The following SPATA13 variants were observed in gnomAD, a reference collection of about 807,000 sequenced individuals.
SPATA13 encodes spermatogenesis associated 13.
In SPATA13, 50 loss-of-function variants were observed where a neutral mutation model predicts 104.0. The ratio of observed to expected loss-of-function variants is 0.48; its 90% CI spans 0.38 to 0.61. SPATA13 has a LOEUF of 0.61. Among genes scored for constraint, SPATA13 ranks in the 20% least tolerant of loss-of-function variants. SPATA13 has a pLI of 0.00. For missense variants in SPATA13, 1,524 were observed against 1,690.6 expected (o/e 0.90, Z 1.73); for synonymous variants, 606 against 667.5 (o/e 0.91, Z 1.42).
At chr13:24,037,988 T>A (rs1877768163) in intron 3 of SPATA13, among the ~76,000 whole-genome samples, 1 of 152,076 alleles carries the variant, frequency 6.6e-6, no homozygotes, top group Non-Finnish European at 1.5e-5. Context: ...CTTGGCTCAC[T>A]GCAAGCTCTA....
At chr13:24,288,550 GGTGGA>G (rs1440031479) in intron 7 of SPATA13, among the ~76,000 whole-genome samples, 2 of 151,696 alleles carry the variant, frequency 1.3e-5, no homozygotes, top group Non-Finnish European at 2.9e-5. Context: ...AGGCGGTGCT[GGTGGA>G]ATCCTTGGGT....
chr13:24,078,253 T>C (rs546873159), intron 3 of SPATA13, among the ~76,000 whole-genome samples: 61 of 152,256 alleles, frequency 4.0e-4, no homozygotes, highest in African/African-American at 1.4e-3. Context: ...AGGCAAAACT[T>C]TGGAGCCAGA....
intron 1 of SPATA13, among the ~76,000 whole-genome samples, chr13:24,168,634 G>C (rs1217560603): frequency 6.6e-6 from 1 of 152,080 alleles, no homozygotes; most frequent in Non-Finnish European, 1.5e-5. Flanking sequence ...TGTCACTCGC[G>C]TTACCCACGG....
At chr13:24,132,284 T>A (rs1023187351) in intron 3 of SPATA13, among the ~76,000 whole-genome samples, 1 of 152,222 alleles carries the variant, frequency 6.6e-6, no homozygotes, top group Non-Finnish European at 1.5e-5. Context: ...CAAAAAATCT[T>A]CTGTTATAGG....
Position 24,138,315 on chromosome 13 carries a change from A to C in SPATA13, c.-111-84504A>C, listed in dbSNP as rs7991169. ...AGCAAGACTCCGTCTGAAAAAAAAAAAAAAAACAGTTTTACTGAATTAGTA... is the reference window on the plus strand; with the variant it reads ...AGCAAGACTCCGTCTGAAAAAAAAACAAAAAACAGTTTTACTGAATTAGTA... On this transcript the variant is annotated intron_variant, in intron 3 of 14. Transcript: ENST00000424834. Among the ~76,000 whole-genome samples, 602 of 82,388 alleles carry C rather than the reference A, an allele frequency of 7.3e-3. 7 individuals carry two copies. The highest frequency in any genetic ancestry group is 0.018 in the African/African-American group (569 of 31,112). The allele number at this position is 82,388 out of a possible 152,430, so 54.0% of individuals were successfully genotyped here.
At position 24,286,906 on chromosome 13, in the gene SPATA13, GACACCGAGCGGGTGTACATCAA is replaced by G; in HGVS notation, c.2629_2650del (p.Glu877SerfsTer24). The G allele has an allele frequency of 6.2e-7, 1 of 1,613,898 alleles. No homozygotes were observed. The highest frequency in any genetic ancestry group is 8.5e-7 in the Non-Finnish European group (1 of 1,180,004). ...GACCAACGTCATCCGGGAGATCATG[GACACCGAGCGGGTGTACATCAA>G]ACACCTCAGGGACATCTGTGAGGTG... On this transcript the variant is annotated frameshift_variant, in exon 7 of 13. Coordinates refer to ENST00000382108, the MANE Select transcript of SPATA13 (RefSeq NM_001166271.3). LOFTEE classifies it high-confidence loss of function. This position sits in a 1 kb window ranked among gnomAD's most constrained non-coding sequence, Gnocchi z 4.9.
intron 2 of SPATA13, among the ~76,000 whole-genome samples, chr13:24,238,933 C>G (rs1409633051): frequency 2.0e-5 from 3 of 152,160 alleles, no homozygotes; most frequent in African/African-American, 7.2e-5. Context: ...GCGATCTTGC[C>G]TTTCCTTTGT....
At chr13:24,285,727 C>T (rs1420485737) in intron 5 of SPATA13, among the ~76,000 whole-genome samples, 1 of 146,816 alleles carries the variant, frequency 6.8e-6, no homozygotes, top group East Asian at 2.0e-4. Context: ...TGTTCCCAGA[C>T]TGGAGTGCAA....
chr13:24,139,951 C>T (rs1290632748), intron 3 of SPATA13, among the ~76,000 whole-genome samples: 1 of 151,920 alleles, frequency 6.6e-6, no homozygotes, highest in African/African-American at 2.4e-5. Context: ...ACCTGTAGTC[C>T]CAGCTACTCG....
In SPATA13 at chr13:24,275,331, T is replaced by A. The variant is rs559917902; in HGVS notation, c.2165-8804T>A. Reference sequence around the variant, plus strand: ...CCCCAGAGGGCAGTGTTTCTAGGAGTGATGGTTAACCATGGTTATTGAACA... The same window carrying A: ...CCCCAGAGGGCAGTGTTTCTAGGAGAGATGGTTAACCATGGTTATTGAACA... On this transcript the variant is annotated intron_variant, in intron 4 of 12. Coordinates refer to ENST00000382108, the MANE Select transcript of SPATA13 (RefSeq NM_001166271.3). 2.6e-5 allele frequency among the ~76,000 whole-genome samples: 4 copies of A among 152,110 alleles called. No homozygotes were observed. The East Asian group carries it at 5.8e-4, about 22-fold the overall frequency.
At chr13:24,029,042 A>G (rs1248320945) in intron 3 of SPATA13, among the ~76,000 whole-genome samples, 2 of 151,800 alleles carry the variant, frequency 1.3e-5, no homozygotes, top group African/African-American at 4.8e-5. Flanking sequence ...TTTTGTTGTT[A>G]TAAGCTTATA....
chr13:24,138,874 G>A (rs1054151185), intron 3 of SPATA13, among the ~76,000 whole-genome samples: 2 of 151,862 alleles, frequency 1.3e-5, no homozygotes, highest in South Asian at 2.1e-4. Context: ...ACACAGGCAT[G>A]AGACACCATG....
At position 24,286,094 on chromosome 13, in the gene SPATA13, C is replaced by T; in HGVS notation, c.2302-120C>T. 8.5e-6 allele frequency: 8 copies of T among 945,306 alleles called. No individual in the cohort carries two copies. In the South Asian group the frequency reaches 1.4e-4, roughly 17 times the overall value. 58.6% of individuals were successfully genotyped at this position (945,306 alleles called of 1,614,324 possible). A position where few individuals can be genotyped will look rare whatever the true frequency, so the allele number is the denominator to read the frequency against. On this transcript the variant is annotated intron_variant, in intron 5 of 12. Transcript: ENST00000382108. This position sits in a 1 kb window ranked among gnomAD's most constrained non-coding sequence, Gnocchi z 4.9. The stretch of plus-strand genomic sequence containing the variant: ...TCACATAGTCAGTGTGGACCAAATG[C>T]CACCAGCATATCCAAGTGAGAGGAT...
At chr13:24,067,239 A>G (rs1469598975) in intron 3 of SPATA13, among the ~76,000 whole-genome samples, 1 of 152,158 alleles carries the variant, frequency 6.6e-6, no homozygotes, top group African/African-American at 2.4e-5. Flanking sequence ...CCACTCAGTT[A>G]TGACTTCCAT....
chr13:24,224,206 G>A lies in SPATA13; in HGVS notation c.1277G>A (p.Cys426Tyr). The A allele has an allele frequency of 6.4e-7, 1 of 1,551,736 alleles. No homozygotes were observed. The highest frequency in any genetic ancestry group is 2.4e-5 in the East Asian group (1 of 40,904). The change falls in exon 2 of 13, where the codon TGC becomes TAC. Residue 426 changes from cysteine to tyrosine, a missense_variant. Around this residue, in one of 2 missense-constraint regions of SPATA13, gnomAD observed 1,089 missense variants for 1,135.9 expected, o/e 0.96. Coordinates refer to ENST00000382108, the MANE Select transcript of SPATA13 (RefSeq NM_001166271.3). ...SSWAVESDSS[C>Y]TCSSLPSPIV... is the part of the protein sequence containing the mutation. ...TGGGCGGTGGAAAGCGACAGTTCCT[G>A]CACTTGCAGCTCTTTGCCAAGCCCG...
chr13:24,200,274 A>T (rs917914105), intron 1 of SPATA13, among the ~76,000 whole-genome samples: 1 of 152,174 alleles, frequency 6.6e-6, no homozygotes, highest in Non-Finnish European at 1.5e-5. Flanking sequence ...ACATGGGCCT[A>T]TCTGATGCTT....
chr13:24,014,878 GATTTTTTTTT>G (rs1876636103), intron 2 of SPATA13, among the ~76,000 whole-genome samples: 1 of 78,668 alleles, frequency 1.3e-5, no homozygotes, highest in African/African-American at 4.1e-5. Context: ...GCACTTTCTG[GATTTTTTTTT>G]TTTTTTTTTT....
chr13:24,150,709 C>A (rs1882074788), intron 3 of SPATA13, among the ~76,000 whole-genome samples: 1 of 152,132 alleles, frequency 6.6e-6, no homozygotes, highest in South Asian at 2.1e-4. Context: ...GGGATTCAGG[C>A]AGGCTTTTGT....
At chr13:24,115,479 C>A (rs1049369437) in intron 3 of SPATA13, among the ~76,000 whole-genome samples, 1 of 152,370 alleles carries the variant, frequency 6.6e-6, no homozygotes, top group Non-Finnish European at 1.5e-5. Flanking sequence ...TTGCAAACCG[C>A]GCATGCGAAG....
Sources: gnomAD v4.1 joint callset for allele counts (sites outside exome capture counted in the v4.1 genomes callset) on GRCh38, gnomAD v4.1.1 for gene constraint, gnomAD v4.1.1 regional missense constraint, Gnocchi (gnomAD v3.1) non-coding constraint, MANE v1.5 for transcripts, NCBI Gene and HGNC (gene_info 2026-07-23, HGNC 2026-07-21) for gene names.